Variants in EBF1 observed in about 807,000 individuals in gnomAD.
EBF1 encodes transcription factor COE1.
EBF1 carries 10 observed loss-of-function variants against 68.4 expected under a neutral mutation model. That is an observed-to-expected ratio of 0.15 (90% CI 0.09 to 0.25). EBF1 has a LOEUF of 0.25. Among genes scored for constraint, EBF1 ranks in the 10% least tolerant of loss-of-function variants. The pLI is 1.00. For synonymous variants in EBF1, 298 were observed against 299.8 expected (o/e 0.99, Z 0.06); for missense variants, 509 against 794.4 (o/e 0.64, Z 4.32).
chr5:158,725,251 CA>C (rs746638382), intron 11 of EBF1, among the ~76,000 whole-genome samples: 54 of 152,168 alleles, frequency 3.5e-4, no homozygotes, highest in Non-Finnish European at 6.8e-4. Context: ...GCTTGACATT[CA>C]ATGTGCTTTT....
chr5:158,723,769 A>C (rs1478646897), intron 11 of EBF1, among the ~76,000 whole-genome samples: 3 of 152,148 alleles, frequency 2.0e-5, no homozygotes, highest in Non-Finnish European at 4.4e-5. Flanking sequence ...AATGACAAGC[A>C]GAAGCATTTG....
At chr5:158,996,291 T>A (rs1354849328) in intron 6 of EBF1, among the ~76,000 whole-genome samples, 1 of 152,244 alleles carries the variant, frequency 6.6e-6, no homozygotes, top group Non-Finnish European at 1.5e-5. Context: ...AAATAACTTG[T>A]AAGCATGTAA....
At chr5:158,817,903 C>T (rs966263053) in intron 8 of EBF1, among the ~76,000 whole-genome samples, 19 of 152,204 alleles carry the variant, frequency 1.2e-4, no homozygotes, top group Admixed American at 1.3e-4. Flanking sequence ...CTTATTGACA[C>T]CTTATCCCTT....
intron 10 of EBF1, among the ~76,000 whole-genome samples, chr5:158,760,766 A>G (rs1016994377): frequency 1.3e-5 from 2 of 151,980 alleles, no homozygotes; most frequent in Non-Finnish European, 2.9e-5. Flanking sequence ...TTATTGCTTC[A>G]TTTTTCTTCT....
At chr5:158,927,889 G>A (rs140187851) in intron 6 of EBF1, among the ~76,000 whole-genome samples, 5 of 152,336 alleles carry the variant, frequency 3.3e-5, no homozygotes, top group African/African-American at 1.2e-4. Flanking sequence ...AGGAAGCTCA[G>A]GATGAGGGTG....
At chr5:158,825,358 A>G (rs1422596154) in intron 7 of EBF1, among the ~76,000 whole-genome samples, 1 of 152,186 alleles carries the variant, frequency 6.6e-6, no homozygotes, top group African/African-American at 2.4e-5. Context: ...AGAAATTTTG[A>G]TTTACTATGA....
chr5:158,797,401 T>C (rs1027098103), intron 8 of EBF1, among the ~76,000 whole-genome samples: 2 of 152,226 alleles, frequency 1.3e-5, no homozygotes, highest in Non-Finnish European at 2.9e-5. Context: ...GTCATGCTTC[T>C]GTTCTCATGA....
chr5:158,701,615 G>A (rs1185426350), intron 15 of EBF1, among the ~76,000 whole-genome samples: 1 of 152,206 alleles, frequency 6.6e-6, no homozygotes, highest in Non-Finnish European at 1.5e-5. Flanking sequence ...TGATGCCAAG[G>A]GCATGCCTGG....
chr5:158,948,197 G>A (rs191176240), intron 6 of EBF1, among the ~76,000 whole-genome samples: 4 of 152,124 alleles, frequency 2.6e-5, no homozygotes, highest in East Asian at 3.9e-4. Flanking sequence ...CCCTCATTCC[G>A]TTCTTTGCTG....
intron 9 of EBF1, among the ~76,000 whole-genome samples, chr5:158,779,774 G>A (rs538114753): frequency 2.0e-5 from 3 of 152,240 alleles, no homozygotes; most frequent in South Asian, 2.1e-4. Context: ...TTGCTATACC[G>A]AGGAACAAAA....
chr5:158,934,888 A>G (rs943201441), intron 6 of EBF1, among the ~76,000 whole-genome samples: 2 of 152,192 alleles, frequency 1.3e-5, no homozygotes, highest in African/African-American at 4.8e-5. Context: ...CACTCATTGC[A>G]AGTCTACAAG....
rs1439030373 is a variant in EBF1 at position 158,757,374 on chromosome 5, CA to C, written c.1036+20038del. 3.3e-5 allele frequency among the ~76,000 whole-genome samples: 5 copies of C among 152,254 alleles called. No homozygotes were observed. In the East Asian group the frequency reaches 7.7e-4, roughly 23 times the overall value. On this transcript the variant is annotated intron_variant, in intron 10 of 15. Coordinates refer to ENST00000313708, the MANE Select transcript of EBF1 (RefSeq NM_024007.5). Reference sequence around the variant, plus strand: ...GTCAGACTTTAACTGTCTCTCATTACAAGAGTCACTGAGGAAAGTATGGAAC... The same window carrying C: ...GTCAGACTTTAACTGTCTCTCATTACAGAGTCACTGAGGAAAGTATGGAAC...
intron 6 of EBF1, among the ~76,000 whole-genome samples, chr5:158,863,441 C>A (rs142189372): frequency 1.1e-4 from 17 of 152,302 alleles, no homozygotes; most frequent in Non-Finnish European, 1.8e-4. Context: ...AAGATAACAA[C>A]CATGTATGTT....
intron 6 of EBF1, among the ~76,000 whole-genome samples, chr5:158,871,465 A>G (rs1247141677): frequency 6.6e-6 from 1 of 152,222 alleles, no homozygotes; most frequent in African/African-American, 2.4e-5. Flanking sequence ...TAATAATAAT[A>G]TGTAGAACAA....
At chr5:159,037,704 C>T (rs1770358073) in intron 6 of EBF1, among the ~76,000 whole-genome samples, 1 of 144,924 alleles carries the variant, frequency 6.9e-6, no homozygotes, top group Admixed American at 6.9e-5. Context: ...ATACCTAATG[C>T]TAGATGACGA....
chr5:158,720,443 A>G (rs1761692111), intron 11 of EBF1, among the ~76,000 whole-genome samples: 2 of 152,194 alleles, frequency 1.3e-5, no homozygotes, highest in South Asian at 2.1e-4. Context: ...TATTCAGCCA[A>G]ATGGAAAATT....
chr5:159,006,680 TG>T (rs1763640286), intron 6 of EBF1, among the ~76,000 whole-genome samples: 1 of 52,778 alleles, frequency 1.9e-5, no homozygotes, highest in African/African-American at 8.9e-5. Flanking sequence ...AAAAAAAGCC[TG>T]GGAATCTCTT....
intron 6 of EBF1, among the ~76,000 whole-genome samples, chr5:159,006,228 T>C (rs930540062): frequency 2.0e-5 from 3 of 152,168 alleles, no homozygotes; most frequent in African/African-American, 7.2e-5. Context: ...CTGAAAGAGT[T>C]ACACTTCCAA....
chr5:158,947,383 C>G (rs1308602520), intron 6 of EBF1, among the ~76,000 whole-genome samples: 1 of 152,220 alleles, frequency 6.6e-6, no homozygotes, highest in Non-Finnish European at 1.5e-5. Flanking sequence ...AGCATAGTAT[C>G]TGGGCCAGAT....
Sources: gnomAD v4.1 joint callset for allele counts (sites outside exome capture counted in the v4.1 genomes callset) on GRCh38, gnomAD v4.1.1 for gene constraint, MANE v1.5 for transcripts, NCBI Gene and HGNC (gene_info 2026-07-23, HGNC 2026-07-21) for gene names.